The following ARHGAP25 variants were observed in gnomAD, a reference collection of about 807,000 sequenced individuals.
ARHGAP25 encodes Rho GTPase activating protein 25, also known as rho GTPase-activating protein 25.
Under a neutral mutation model 71.0 loss-of-function variants are expected in ARHGAP25, and 34 were observed. The ratio of observed to expected loss-of-function variants is 0.48; its 90% CI spans 0.36 to 0.64. The LOEUF (loss-of-function observed/expected upper bound fraction) is 0.64, where lower values mean the gene tolerates loss of function less well. Among genes scored for constraint, ARHGAP25 ranks in the 30% least tolerant of loss-of-function variants. The pLI, the probability that ARHGAP25 is intolerant of heterozygous loss-of-function variation, is 0.00. For synonymous variants in ARHGAP25, 282 were observed against 296.5 expected, an observed-to-expected ratio of 0.95 and a Z score of 0.50; for missense variants, 706 against 805.1, an observed-to-expected ratio of 0.88 and a Z score of 1.49.
chr2:68,775,646 C>T, intron 2 of ARHGAP25: 6 of 697,116 alleles, frequency 8.6e-6, no homozygotes, highest in Non-Finnish European at 1.5e-5. Context: ...GTGGAGTTTC[C>T]TACACATGGC....
rs1681234749 is a variant in ARHGAP25 at position 68,816,378 on chromosome 2, T to G, written c.881+16T>G. 1.9e-6 allele frequency: 3 copies of G among 1,599,548 alleles called. No homozygotes were observed. ...ACATCTGCAGGTGAGAGGCCCCTGG[T>G]ATCAACTCTGCAGTTTTCAACCCCA... On this transcript the variant is annotated intron_variant, in intron 7 of 10. Transcript: ENST00000409202.
intron 2 of ARHGAP25, among the ~76,000 whole-genome samples, chr2:68,716,175 T>A (rs1180302262): frequency 2.0e-5 from 3 of 152,212 alleles, no homozygotes; most frequent in Non-Finnish European, 4.4e-5. Context: ...CCTATCTTCC[T>A]TACTGCCATC....
chr2:68,821,065 C>T (rs1681615805), intron 9 of ARHGAP25, among the ~76,000 whole-genome samples: 1 of 150,518 alleles, frequency 6.6e-6, no homozygotes, highest in Non-Finnish European at 1.5e-5. Context: ...GATGAACACA[C>T]TGCCTTCAGT....
At chr2:68,797,583 A>G (rs1431195540) in intron 4 of ARHGAP25, among the ~76,000 whole-genome samples, 1 of 152,156 alleles carries the variant, frequency 6.6e-6, no homozygotes, top group Admixed American at 6.5e-5. Flanking sequence ...CCCACTCCAC[A>G]CTTGCTTCTC....
chr2:68,740,515 GC>G (rs1401126961), intron 1 of ARHGAP25, among the ~76,000 whole-genome samples: 1 of 152,110 alleles, frequency 6.6e-6, no homozygotes, highest in East Asian at 1.9e-4. Flanking sequence ...TCTGCCTGGA[GC>G]CCTCTCTCCA....
rs138683153 is a variant in ARHGAP25 at position 68,760,335 on chromosome 2, C to T, written c.62-14886C>T. On this transcript the variant is annotated intron_variant, in intron 1 of 10. Transcript: ENST00000409202. ...GCAATGTAATACTTGAAGCCCTAGACAGAGGAACTAGGTGAGGGAGAGAAA... is the reference window on the plus strand; with the variant it reads ...GCAATGTAATACTTGAAGCCCTAGATAGAGGAACTAGGTGAGGGAGAGAAA... Among the ~76,000 whole-genome samples the T allele has an allele frequency of 1.6e-3, 236 of 152,022 alleles. 4 individuals are homozygous for T. Among genetic ancestry groups the T allele is most frequent in the African/African-American group, 5.5e-3 (229 of 41,504 alleles).
chr2:68,725,771 C>A (rs915602353), intron 2 of ARHGAP25, among the ~76,000 whole-genome samples: 1 of 152,198 alleles, frequency 6.6e-6, no homozygotes, highest in Non-Finnish European at 1.5e-5. Context: ...TTGTTATCTT[C>A]CCCTTCCTCC....
chr2:68,731,763 C>G (rs34976915), upstream of ARHGAP25, among the ~76,000 whole-genome samples: 7,126 of 152,180 alleles, frequency 0.047, 189 homozygotes, highest in Middle Eastern at 0.088. Context: ...GACACTTCTT[C>G]CAGGAACCCT....
At chr2:68,810,122 C>T (rs1680671968) in intron 5 of ARHGAP25, among the ~76,000 whole-genome samples, 1 of 125,910 alleles carries the variant, frequency 7.9e-6, no homozygotes, top group South Asian at 2.6e-4. Flanking sequence ...ACTCTTAGCC[C>T]TTGATTAAAA....
At chr2:68,809,893 A>T (rs1680652094) in intron 5 of ARHGAP25, among the ~76,000 whole-genome samples, 1 of 152,138 alleles carries the variant, frequency 6.6e-6, no homozygotes, top group African/African-American at 2.4e-5. Context: ...AAAAATGTGA[A>T]CTTTAAAATC....
At chr2:68,786,455 G>C (rs1334916307) in intron 3 of ARHGAP25, among the ~76,000 whole-genome samples, 5 of 152,148 alleles carry the variant, frequency 3.3e-5, no homozygotes, top group Non-Finnish European at 7.4e-5. Context: ...GCATCCCTGG[G>C]ATTCAGTTCT....
At chr2:68,805,731 G>T (rs1680315259) in intron 4 of ARHGAP25, among the ~76,000 whole-genome samples, 1 of 152,170 alleles carries the variant, frequency 6.6e-6, no homozygotes, top group African/African-American at 2.4e-5. Flanking sequence ...GCCTGGTACA[G>T]CTCTATACAG....
chr2:68,822,644 C>T lies in ARHGAP25; in HGVS notation c.1505C>T (p.Thr502Ile). 6.2e-7 allele frequency: 1 copy of T among 1,614,142 alleles called. No homozygotes were observed. ...CTTTCTGACTCCCAACGGACTTCCA[C>T]CTACGATAACGTCCCTTCCCTGCCA... ...RQLSDSQRTS[T>I]YDNVPSLPGS... is the part of the protein sequence containing the mutation. Residue 502 changes from threonine (T) to isoleucine (I), a missense_variant, in exon 10 of 11, where the codon ACC becomes ATC. By Grantham distance (89) the Thr-to-Ile change is moderately conservative (BLOSUM62 -1). Transcript: ENST00000409202.
At chr2:68,757,376 T>C (rs1676548511) in intron 1 of ARHGAP25, among the ~76,000 whole-genome samples, 1 of 152,090 alleles carries the variant, frequency 6.6e-6, no homozygotes, top group East Asian at 1.9e-4. Context: ...AATCAAACTA[T>C]CCAAAGTCAA....
chr2:68,745,844 T>C (rs918993928), intron 1 of ARHGAP25, among the ~76,000 whole-genome samples: 2 of 152,212 alleles, frequency 1.3e-5, no homozygotes, highest in African/African-American at 4.8e-5. Context: ...AGGCTCATTC[T>C]TTGTAGATGA....
chr2:68,779,850 C>G (rs934928062), intron 2 of ARHGAP25, among the ~76,000 whole-genome samples: 16 of 152,246 alleles, frequency 1.1e-4, no homozygotes, highest in Non-Finnish European at 2.9e-5. Context: ...CTTCCTCTTA[C>G]CTGCTTTCTT....
At chr2:68,822,229 A>G in intron 9 of ARHGAP25, 111 bp from the exon 10 acceptor site, 1 of 1,040,930 alleles carries the variant, frequency 9.6e-7, no homozygotes, top group Non-Finnish European at 1.4e-6. Context: ...TAAGAATTTC[A>G]TAGGTATGCT....
In ARHGAP25 at chr2:68,813,283, C is replaced by T. The variant is rs1271696397; in HGVS notation, c.675-4C>T. On this transcript the variant is annotated splice_region_variant and splice_polypyrimidine_tract_variant and intron_variant, in intron 5 of 10. Coordinates refer to ENST00000409202, the MANE Select transcript of ARHGAP25 (RefSeq NM_001007231.3). ...TTCACAGAGCGTTGCTTATTTTCTT[C>T]CAGAGACACAGATGTGCACACTGTG... The T allele has an allele frequency of 1.4e-5, 23 of 1,601,910 alleles. No individual in the cohort carries two copies. Among genetic ancestry groups the T allele is most frequent in the Non-Finnish European group, 1.9e-5 (22 of 1,176,440 alleles).
At chr2:68,802,898 C>CACACATATATCCATATAT (rs574854520) in intron 4 of ARHGAP25, among the ~76,000 whole-genome samples, 2 of 151,624 alleles carry the variant, frequency 1.3e-5, no homozygotes, top group East Asian at 1.9e-4. Context: ...CATATGTACA[C>CACACATATATCCATATAT]ACACATATAT....
Sources: allele counts gnomAD v4.1 joint callset (sites outside exome capture counted in the v4.1 genomes callset), GRCh38; gene constraint gnomAD v4.1.1; transcripts MANE v1.5; gene names NCBI Gene and HGNC (gene_info 2026-07-23, HGNC 2026-07-21).